Variants in THSD7B observed in about 807,000 individuals in gnomAD.
THSD7B encodes the protein thrombospondin type 1 domain containing 7B, also known as thrombospondin type-1 domain-containing protein 7B.
Under a neutral mutation model 213.6 loss-of-function variants are expected in THSD7B, and 138 were observed. The ratio of observed to expected loss-of-function variants is 0.65; its 90% CI spans 0.56 to 0.74. The LOEUF is 0.74. Ranked by LOEUF, THSD7B falls within the 30% of genes least tolerant of loss-of-function variation. The probability of loss-of-function intolerance (pLI) is 0.00; values close to 1 mark genes in which losing one functional copy is unlikely to be tolerated. For synonymous variants in THSD7B, 742 were observed against 687.0 expected, an observed-to-expected ratio of 1.08 and a Z score of -1.25; for missense variants, 1,931 against 1,991.5, an observed-to-expected ratio of 0.97 and a Z score of 0.58.
chr2:136,919,655 C>T (rs1017701435), intron 2 of THSD7B, among the ~76,000 whole-genome samples: 2 of 152,182 alleles, frequency 1.3e-5, no homozygotes, highest in African/African-American at 2.4e-5. Flanking sequence ...TGGCCAGTGG[C>T]ACCTTTTTCC....
intron 1 of THSD7B, among the ~76,000 whole-genome samples, chr2:136,829,340 C>A (rs1682712298): frequency 6.6e-6 from 1 of 152,032 alleles, no homozygotes; most frequent in African/African-American, 2.4e-5. Context: ...CTCCTTCAAC[C>A]ACCTCAGATA....
chr2:137,410,108 A>G (rs1020583813), intron 13 of THSD7B, among the ~76,000 whole-genome samples: 2 of 152,152 alleles, frequency 1.3e-5, no homozygotes, highest in African/African-American at 4.8e-5. Flanking sequence ...CCCCTCACTA[A>G]TTATTGATAT....
At chr2:137,320,321 A>C (rs1490637483) in intron 12 of THSD7B, among the ~76,000 whole-genome samples, 2 of 152,170 alleles carry the variant, frequency 1.3e-5, no homozygotes, top group African/African-American at 4.8e-5. Context: ...ACAGCACAGT[A>C]TTGTTAATCA....
At chr2:137,630,463 C>G (rs1028037545) in intron 20 of THSD7B, among the ~76,000 whole-genome samples, 3 of 152,192 alleles carry the variant, frequency 2.0e-5, no homozygotes, top group African/African-American at 7.2e-5. Flanking sequence ...CCTTCCTGCT[C>G]CAGTCTGTTG....
chr2:137,656,923 C>T lies in THSD7B; in HGVS notation c.4233C>T (p.Asn1411=). 1.9e-6 allele frequency: 3 copies of T among 1,614,004 alleles called. No individual in the cohort carries two copies. The highest frequency in any genetic ancestry group is 1.1e-5 in the South Asian group (1 of 91,080). ...SRTFIIQSFE[N]QDSCPQQVLE... The stretch of plus-strand genomic sequence containing the variant: ...CTTTTATAATTCAGTCTTTTGAGAA[C>T]CAAGACAGCTGCCCCCAACAGGTTC... Residue 1411 remains asparagine, a synonymous_variant, in exon 23 of 28, where the codon AAC becomes AAT. Coordinates refer to ENST00000409968, the MANE Select transcript of THSD7B (RefSeq NM_001316349.2).
intron 2 of THSD7B, among the ~76,000 whole-genome samples, chr2:136,955,234 A>C (rs1335875673): frequency 6.6e-6 from 1 of 152,212 alleles, no homozygotes; most frequent in African/African-American, 2.4e-5. Context: ...GAGCTGGAAT[A>C]TATTTGATCA....
At chr2:137,061,254 A>G (rs1158174215) in intron 3 of THSD7B, among the ~76,000 whole-genome samples, 2 of 151,014 alleles carry the variant, frequency 1.3e-5, no homozygotes, top group Non-Finnish European at 3.0e-5. Flanking sequence ...GTAGTTGTTG[A>G]TTTTTTGAGA....
At chr2:136,961,448 C>A (rs1685218132) in intron 2 of THSD7B, among the ~76,000 whole-genome samples, 1 of 151,994 alleles carries the variant, frequency 6.6e-6, no homozygotes, top group Non-Finnish European at 1.5e-5. Context: ...TCTCGATCTC[C>A]TGACCTTGTG....
At chr2:137,672,352 A>C (rs1683595662) in intron 27 of THSD7B, among the ~76,000 whole-genome samples, 1 of 152,046 alleles carries the variant, frequency 6.6e-6, no homozygotes, top group Admixed American at 6.5e-5. Flanking sequence ...CTCTCCCTAG[A>C]GTTTGCCTAT....
intron 12 of THSD7B, among the ~76,000 whole-genome samples, chr2:137,297,439 C>A (rs552078584): frequency 6.8e-6 from 1 of 146,946 alleles, no homozygotes; most frequent in African/African-American, 2.5e-5. Flanking sequence ...TTTTTTCTTT[C>A]TTTTTTTAAG....
At position 137,646,681 on chromosome 2, in the gene THSD7B, T is replaced by TAATAATAATAATAAA. The variant is rs879335014; in HGVS notation, c.3945+4050_3945+4051insTAATAATAATAAAAA. ...ATAATAATAATAATAATAATAATAATAAACACTTCACTGGCACCTTGATCT... is the reference window on the plus strand; with the variant it reads ...ATAATAATAATAATAATAATAATAATAATAATAATAATAAAAAACACTTCACTGGCACCTTGATCT... On this transcript the variant is annotated intron_variant, in intron 21 of 27. Coordinates refer to ENST00000409968, the MANE Select transcript of THSD7B (RefSeq NM_001316349.2). 4.4e-3 allele frequency among the ~76,000 whole-genome samples: 658 copies of TAATAATAATAATAAA among 148,142 alleles called. 5 individuals are homozygous for TAATAATAATAATAAA. The highest frequency in any genetic ancestry group is 5.6e-3 in the African/African-American group (226 of 40,314).
chr2:136,872,613 C>G (rs1573680567), intron 1 of THSD7B, among the ~76,000 whole-genome samples: 1 of 127,876 alleles, frequency 7.8e-6, no homozygotes. Context: ...CTTTTTCTTT[C>G]TTCTTTCTCT....
chr2:137,647,381 T>G (rs1274924797), intron 21 of THSD7B, among the ~76,000 whole-genome samples: 1 of 150,764 alleles, frequency 6.6e-6, no homozygotes, highest in African/African-American at 2.5e-5. Flanking sequence ...ACTGGGAAGT[T>G]TGAAGGCCTG....
At chr2:137,013,808 C>T (rs532464785) in intron 2 of THSD7B, among the ~76,000 whole-genome samples, 1 of 152,242 alleles carries the variant, frequency 6.6e-6, no homozygotes, top group African/African-American at 2.4e-5. Context: ...CTGGGCCTAC[C>T]AGGTGACTTC....
intron 17 of THSD7B, among the ~76,000 whole-genome samples, chr2:137,612,181 T>C (rs886109387): frequency 2.0e-5 from 3 of 152,196 alleles, no homozygotes; most frequent in African/African-American, 4.8e-5. Context: ...GTACTAGTTA[T>C]AGATAATTTA....
chr2:137,136,983 G>T (rs1395179805), intron 5 of THSD7B, among the ~76,000 whole-genome samples: 1 of 152,130 alleles, frequency 6.6e-6, no homozygotes, highest in Non-Finnish European at 1.5e-5. Context: ...CTTCCCATTT[G>T]TTAGAATTTG....
chr2:136,908,295 C>T lies in THSD7B; in HGVS notation c.139+25978C>T, dbSNP rs573190719. 3.3e-5 allele frequency among the ~76,000 whole-genome samples: 5 copies of T among 152,230 alleles called. No homozygotes were observed. In the South Asian group the frequency reaches 1.0e-3, roughly 32 times the overall value. The stretch of plus-strand genomic sequence containing the variant: ...CAATAATAATATTTATGTTGATTGG[C>T]CAGTTGTTAGATTTCTGATTGCTTT... On this transcript the variant is annotated intron_variant, in intron 2 of 27. Coordinates refer to ENST00000409968, the MANE Select transcript of THSD7B (RefSeq NM_001316349.2).
intron 14 of THSD7B, 152 bp downstream of exon 14, chr2:137,412,024 T>G: frequency 3.5e-6 from 3 of 859,954 alleles, no homozygotes; most frequent in Non-Finnish European, 5.2e-6. Context: ...TATGGACAGA[T>G]GAAATGCATA....
At chr2:136,976,874 G>T (rs1685490171) in intron 2 of THSD7B, among the ~76,000 whole-genome samples, 2 of 152,108 alleles carry the variant, frequency 1.3e-5, no homozygotes, top group African/African-American at 4.8e-5. Context: ...ACCCGCCTCG[G>T]CCTCCCAAAG....
Sources: allele counts gnomAD v4.1 joint callset (sites outside exome capture counted in the v4.1 genomes callset), GRCh38; gene constraint gnomAD v4.1.1; transcripts MANE v1.5; gene names NCBI Gene and HGNC (gene_info 2026-07-23, HGNC 2026-07-21).